DNAH6: variants seen among roughly 807,000 people sequenced by gnomAD.
The protein encoded by DNAH6 is axonemal beta dynein heavy chain 6.
A neutral mutation model predicts 491.4 loss-of-function variants in DNAH6; 340 were observed. That is an observed-to-expected ratio of 0.69 (90% CI 0.63 to 0.76). The LOEUF is 0.76. Among genes scored for constraint, DNAH6 ranks in the 30% least tolerant of loss-of-function variants. The probability of loss-of-function intolerance (pLI) is 0.00; values close to 1 mark genes in which losing one functional copy is unlikely to be tolerated. For missense variants in DNAH6, 4,443 were observed against 4,972.2 expected, an observed-to-expected ratio of 0.89 and a Z score of 3.20; for synonymous variants, 1,603 against 1,686.1, an observed-to-expected ratio of 0.95 and a Z score of 1.21.
At chr2:84,480,917 T>C in the DNAH6 span, among the ~76,000 whole-genome samples, 1 of 151,352 alleles carries the variant, frequency 6.6e-6, no homozygotes, top group Non-Finnish European at 1.5e-5. Context: ...GAGCTAAAAT[T>C]GCACCATTGC....
rs1682115873 is a variant in DNAH6, at chr2:84,573,592, C to T, written c.1924+5C>T. On this transcript the variant is annotated splice_donor_5th_base_variant and intron_variant, in intron 12 of 76. Coordinates refer to ENST00000389394, the MANE Select transcript of DNAH6 (RefSeq NM_001370.2). ...CTCTTAAACTTCAGGAACCTGGTAA[C>T]TTGTCCATTTGTACTTACTAATTAT... 6.4e-7 allele frequency: 1 copy of T among 1,561,906 alleles called. No individual in the cohort carries two copies. The highest frequency in any genetic ancestry group is 2.4e-5 in the East Asian group (1 of 42,528).
chr2:84,569,126 A>G (rs1032043616), intron 11 of DNAH6, among the ~76,000 whole-genome samples: 8 of 152,216 alleles, frequency 5.3e-5, no homozygotes, highest in Non-Finnish European at 1.2e-4. Flanking sequence ...TAAACTACCA[A>G]AATAGCCATG....
At chr2:84,561,140 A>C (rs1354348343) in intron 11 of DNAH6, among the ~76,000 whole-genome samples, 1 of 152,144 alleles carries the variant, frequency 6.6e-6, no homozygotes, top group East Asian at 1.9e-4. Flanking sequence ...TGACTTTTTT[A>C]ATGATTGCCA....
the DNAH6 span, among the ~76,000 whole-genome samples, chr2:84,503,718 A>G: frequency 1.3e-5 from 2 of 150,938 alleles, no homozygotes; most frequent in East Asian, 1.9e-4. Flanking sequence ...TTTAAATGTC[A>G]TGCCACTCTC....
chr2:84,566,483 G>A (rs1156803837), intron 11 of DNAH6, among the ~76,000 whole-genome samples: 1 of 151,758 alleles, frequency 6.6e-6, no homozygotes, highest in Non-Finnish European at 1.5e-5. Context: ...TTCTTAAATG[G>A]AATGACTCAA....
intron 33 of DNAH6, among the ~76,000 whole-genome samples, chr2:84,646,459 AT>A (rs141708328): frequency 0.028 from 4,330 of 152,318 alleles, 222 homozygotes; most frequent in African/African-American, 0.099. Flanking sequence ...TGAGGAAGGC[AT>A]GTCTAAAGCC....
chr2:84,629,895 C>T (rs1207011659), intron 29 of DNAH6, among the ~76,000 whole-genome samples: 1 of 152,094 alleles, frequency 6.6e-6, no homozygotes, highest in African/African-American at 2.4e-5. Context: ...TAAAGAGGAT[C>T]TCATTGACCA....
chr2:84,701,507 T>C (rs1695897950), intron 49 of DNAH6, among the ~76,000 whole-genome samples, 168 bp downstream of exon 49: 1 of 152,148 alleles, frequency 6.6e-6, no homozygotes, highest in Non-Finnish European at 1.5e-5. Flanking sequence ...AAAAGAGATG[T>C]AATTGGCTCA....
intron 46 of DNAH6, among the ~76,000 whole-genome samples, chr2:84,694,991 T>C (rs1357004597): frequency 6.6e-6 from 1 of 152,144 alleles, no homozygotes; most frequent in Non-Finnish European, 1.5e-5. Flanking sequence ...TTAGAGAAAA[T>C]AAACCCATCT....
At chr2:84,642,295 G>T (rs1354046961) in intron 33 of DNAH6, among the ~76,000 whole-genome samples, 1 of 152,058 alleles carries the variant, frequency 6.6e-6, no homozygotes, top group African/African-American at 2.4e-5. Context: ...GTACAACTTA[G>T]CATTTGGCCA....
intron 14 of DNAH6, among the ~76,000 whole-genome samples, chr2:84,580,390 G>C (rs1310004632): frequency 1.3e-5 from 2 of 151,568 alleles, no homozygotes; most frequent in Non-Finnish European, 2.9e-5. Flanking sequence ...CGGAAACTTG[G>C]TTTCCTCCTC....
chr2:84,526,934 A>G (rs1676655706), intron 3 of DNAH6, among the ~76,000 whole-genome samples: 1 of 152,162 alleles, frequency 6.6e-6, no homozygotes, highest in African/African-American at 2.4e-5. Context: ...GTGGGGCTGA[A>G]AAGGAATATT....
intron 33 of DNAH6, among the ~76,000 whole-genome samples, chr2:84,643,830 C>A (rs1198958339): frequency 6.6e-6 from 1 of 152,118 alleles, no homozygotes; most frequent in African/African-American, 2.4e-5. Flanking sequence ...TGTTCTAAAT[C>A]CCTGTCTGAT....
chr2:84,718,171 G>A, intron 58 of DNAH6, 33 bp from the exon 59 acceptor site: 4 of 1,473,072 alleles, frequency 2.7e-6, no homozygotes, highest in Non-Finnish European at 3.6e-6. Flanking sequence ...CACTGGCAGA[G>A]ACATAATTTA....
At chr2:84,626,610 T>G (rs1687881258) in intron 29 of DNAH6, among the ~76,000 whole-genome samples, 1 of 152,200 alleles carries the variant, frequency 6.6e-6, no homozygotes, top group African/African-American at 2.4e-5. Flanking sequence ...TTTTCTCTTT[T>G]TTTATTTTTT....
chr2:84,604,074 A>C (rs1455750648), intron 18 of DNAH6, among the ~76,000 whole-genome samples: 1 of 152,020 alleles, frequency 6.6e-6, no homozygotes, highest in Non-Finnish European at 1.5e-5. Flanking sequence ...AGGTAGGAAA[A>C]TTTTCAGTTG....
intron 55 of DNAH6, among the ~76,000 whole-genome samples, chr2:84,709,907 T>C (rs1279351120): frequency 6.6e-6 from 1 of 152,232 alleles, no homozygotes; most frequent in Non-Finnish European, 1.5e-5. Flanking sequence ...GATCAAATTT[T>C]AGGGCAAGCC....
the DNAH6 span, among the ~76,000 whole-genome samples, chr2:84,465,721 T>G: frequency 6.6e-6 from 1 of 152,170 alleles, no homozygotes; most frequent in Admixed American, 6.5e-5. Context: ...TTGATCCAAA[T>G]TTTTACATTA....
At chr2:84,561,250 T>C (rs185083445) in intron 11 of DNAH6, among the ~76,000 whole-genome samples, 1 of 152,320 alleles carries the variant, frequency 6.6e-6, no homozygotes, top group African/African-American at 2.4e-5. Context: ...TTCAACTATC[T>C]GATCTTTGAC....
Sources: allele counts gnomAD v4.1 joint callset (sites outside exome capture counted in the v4.1 genomes callset), GRCh38; gene constraint gnomAD v4.1.1; transcripts MANE v1.5; gene names NCBI Gene and HGNC (gene_info 2026-07-23, HGNC 2026-07-21).